Variants in MAK observed in about 807,000 individuals in gnomAD.
MAK encodes the protein male germ cell associated kinase, also known as serine/threonine-protein kinase MAK.
MAK carries 65 observed loss-of-function variants against 82.6 expected under a neutral mutation model. The observed-to-expected ratio is 0.79, with a 90% confidence interval of 0.64 to 0.97. MAK has a LOEUF of 0.97. Ranked by LOEUF, MAK falls within the 50% of genes least tolerant of loss-of-function variation. The pLI, the probability that MAK is intolerant of heterozygous loss-of-function variation, is 0.00. For missense variants in MAK, 703 were observed against 780.2 expected, an observed-to-expected ratio of 0.90 and a Z score of 1.18; for synonymous variants, 250 against 274.2, an observed-to-expected ratio of 0.91 and a Z score of 0.87.
At chr6:10,771,537 A>T (rs1773018194) in intron 13 of MAK, among the ~76,000 whole-genome samples, 1 of 152,192 alleles carries the variant, frequency 6.6e-6, no homozygotes, top group South Asian at 2.1e-4. Context: ...AGAAGGCGAA[A>T]TGGGGCTCTG....
chr6:10,813,575 A>C, intron 5 of MAK, 69 bp downstream of exon 5: 2 of 894,784 alleles, frequency 2.2e-6, no homozygotes, highest in Non-Finnish European at 3.8e-6. Context: ...TAACAGTTTA[A>C]TAAATTTGTA....
At chr6:10,775,232 A>G in intron 12 of MAK, 96 bp downstream of exon 12, 1 of 1,410,174 alleles carries the variant, frequency 7.1e-7, no homozygotes, top group Non-Finnish European at 9.9e-7. Context: ...TCCCAAGTGC[A>G]CATGTATCTT....
chr6:10,764,169 C>A lies in MAK; in HGVS notation c.*283G>T. 3.0e-6 allele frequency: 1 copy of A among 335,612 alleles called. No homozygotes were observed. 20.8% of individuals were successfully genotyped at this position (335,612 alleles called of 1,614,324 possible). On this transcript the variant is annotated 3_prime_UTR_variant, in exon 15 of 15. Transcript: ENST00000354489. Reference sequence around the variant, plus strand: ...TTTTTAAGGGTTCTTATTGGATTTACTATTTATTAAATTGTAGATCAAATA... The same window carrying A: ...TTTTTAAGGGTTCTTATTGGATTTAATATTTATTAAATTGTAGATCAAATA...
chr6:10,828,778 G>A (rs1029068017), intron 2 of MAK, among the ~76,000 whole-genome samples: 4 of 152,024 alleles, frequency 2.6e-5, no homozygotes, highest in African/African-American at 9.7e-5. Flanking sequence ...CTGGGCGACA[G>A]AATGGAACCC....
At chr6:10,804,762 G>A (rs1776279576) in intron 6 of MAK, among the ~76,000 whole-genome samples, 1 of 152,166 alleles carries the variant, frequency 6.6e-6, no homozygotes, top group Non-Finnish European at 1.5e-5. Context: ...CAACCAAAAT[G>A]TGTAAATATT....
intron 1 of MAK, among the ~76,000 whole-genome samples, chr6:10,837,424 G>A (rs1274292979): frequency 6.6e-6 from 1 of 152,198 alleles, no homozygotes; most frequent in African/African-American, 2.4e-5. Flanking sequence ...CGTCCTGCCC[G>A]GTGCCTGCAG....
At chr6:10,818,093 A>G (rs1008299948) in intron 3 of MAK, 122 bp from the exon 4 acceptor site, 5 of 531,806 alleles carry the variant, frequency 9.4e-6, no homozygotes, top group Non-Finnish European at 1.7e-5. Flanking sequence ...TGGGTTCATT[A>G]ATTAATTACA....
chr6:10,791,883 AT>A (rs1430965308), intron 9 of MAK, 36 bp from the exon 10 acceptor site: 6 of 1,602,226 alleles, frequency 3.7e-6, no homozygotes, highest in Non-Finnish European at 5.1e-6. Flanking sequence ...ATCTTTAATC[AT>A]GTACTGAATG....
intron 13 of MAK, among the ~76,000 whole-genome samples, chr6:10,772,185 A>C (rs1249937825): frequency 6.6e-6 from 1 of 152,124 alleles, no homozygotes; most frequent in African/African-American, 2.4e-5. Flanking sequence ...TGAACAGAAA[A>C]TTAAGTCTTC....
rs1242031855 is a variant in MAK, at chr6:10,763,726, C to T, written c.*726G>A. The stretch of plus-strand genomic sequence containing the variant: ...ATTAGCCAGGCATGGTGGCACACGC[C>T]TCTAATCCCAGCTACTCGGGAGGCT... On this transcript the variant is annotated 3_prime_UTR_variant, in exon 15 of 15. Coordinates refer to ENST00000354489, the MANE Select transcript of MAK (RefSeq NM_001242957.3). The T allele has an allele frequency of 6.6e-6, 1 of 152,162 alleles. No individual in the cohort carries two copies. The highest frequency in any genetic ancestry group is 2.4e-5 in the African/African-American group (1 of 41,322). The allele number at this position is 152,162 out of a possible 1,614,324, so 9.4% of individuals were successfully genotyped here.
At chr6:10,774,538 T>C (rs1447925201) in intron 12 of MAK, among the ~76,000 whole-genome samples, 1 of 152,202 alleles carries the variant, frequency 6.6e-6, no homozygotes, top group Non-Finnish European at 1.5e-5. Flanking sequence ...GGTTTTGTGA[T>C]AGCTTTGCCA....
intron 14 of MAK, among the ~76,000 whole-genome samples, chr6:10,765,440 A>ATTTTTTTTTTTTTTTTTTTTTTTTTT (rs200536068): frequency 1.5e-5 from 2 of 130,644 alleles, no homozygotes; most frequent in Admixed American, 8.1e-5. Context: ...TAGAATGAAG[A>ATTTTTTTTTTTTTTTTTTTTTTTTTT]TTTTTTTTTT....
At chr6:10,771,118 C>T (rs1046721193) in intron 13 of MAK, among the ~76,000 whole-genome samples, 13 of 151,808 alleles carry the variant, frequency 8.6e-5, no homozygotes, top group African/African-American at 2.9e-4. Flanking sequence ...AGTGGGCAGG[C>T]GTGGAGATTG....
chr6:10,784,984 T>G, intron 10 of MAK: 1 of 442,006 alleles, frequency 2.3e-6, no homozygotes, highest in Non-Finnish European at 4.5e-6. Flanking sequence ...CCTAAAAAAC[T>G]GAAATGGGGA....
intron 12 of MAK, 26 bp downstream of exon 12, chr6:10,775,302 A>G (rs1404818970): frequency 3.1e-6 from 5 of 1,610,416 alleles, no homozygotes; most frequent in African/African-American, 1.3e-5. Context: ...AACCCCGTAC[A>G]TGTACATTTT....
At position 10,781,824 on chromosome 6, in the gene MAK, CA is replaced by C. The variant is rs541116571; in HGVS notation, c.1465+2599del. On this transcript the variant is annotated intron_variant, in intron 11 of 14. Coordinates refer to ENST00000354489, the MANE Select transcript of MAK (RefSeq NM_001242957.3). ...ATCTGTTTCTCTATCCAGACACACA[CA>C]AACAAGACCCAGGTTTTTTCAGGCC... is the stretch of plus-strand genomic sequence containing the variant. Among the ~76,000 whole-genome samples, 1,038 of 152,276 alleles carry C rather than the reference CA, an allele frequency of 6.8e-3. 3 individuals are homozygous for C. Among genetic ancestry groups the C allele is most frequent in the Non-Finnish European group, 9.6e-3 (654 of 68,012 alleles).
chr6:10,819,354 G>A (rs1226102867), intron 2 of MAK, among the ~76,000 whole-genome samples: 1 of 152,126 alleles, frequency 6.6e-6, no homozygotes, highest in Non-Finnish European at 1.5e-5. Flanking sequence ...TTTCTTGGCC[G>A]GGAACGGTGG....
Position 10,780,884 on chromosome 6 carries a change from TTC to T in MAK, c.1465+3538_1465+3539del, listed in dbSNP as rs754725039. On this transcript the variant is annotated intron_variant, in intron 11 of 14. Transcript: ENST00000354489. ...CTCTCTCAGAATTTCTTTTTTCTTT[TTC>T]TCTCTCTCTCATGATTTCAACACCA... Among the ~76,000 whole-genome samples the T allele has an allele frequency of 1.3e-4, 20 of 152,044 alleles. No homozygotes were observed. The East Asian group carries it at 1.3e-3, about 10-fold the overall frequency.
At chr6:10,823,570 C>T (rs1009587236) in intron 2 of MAK, among the ~76,000 whole-genome samples, 6 of 152,282 alleles carry the variant, frequency 3.9e-5, no homozygotes, top group African/African-American at 1.4e-4. Context: ...CACTCTGTTG[C>T]CTGGGCTGGA....
Sources: gnomAD v4.1 joint callset for allele counts (sites outside exome capture counted in the v4.1 genomes callset) on GRCh38, gnomAD v4.1.1 for gene constraint, MANE v1.5 for transcripts, NCBI Gene and HGNC (gene_info 2026-07-23, HGNC 2026-07-21) for gene names.